The following STX1A variants were observed in gnomAD, a reference collection of about 807,000 sequenced individuals.
The protein encoded by STX1A is syntaxin 1A, also known as syntaxin-1A.
In STX1A, 4 loss-of-function variants were observed where a neutral mutation model predicts 37.8. The ratio of observed to expected loss-of-function variants is 0.11; its 90% CI spans 0.05 to 0.24. The LOEUF (loss-of-function observed/expected upper bound fraction) is 0.24. Ranked by LOEUF, STX1A falls within the 10% of genes least tolerant of loss-of-function variation. The pLI, the probability that STX1A is intolerant of heterozygous loss-of-function variation, is 1.00. For missense variants in STX1A, 251 were observed against 399.9 expected (o/e 0.63, Z 3.18); for synonymous variants, 135 against 147.4 (o/e 0.92, Z 0.61).
rs782404923 is a variant in STX1A, at chr7:73,703,801, A to G, written c.494T>C (p.Leu165Pro). 6.2e-7 allele frequency: 1 copy of G among 1,613,978 alleles called. No individual in the cohort carries two copies. Among genetic ancestry groups the G allele is most frequent in the Non-Finnish European group, 8.5e-7 (1 of 1,179,964 alleles). Residue 165 changes from leucine (L) to proline (P), a missense_variant, in exon 7 of 10, where the codon CTG (leucine) becomes CCG (proline). By Grantham distance (98) the Leu-to-Pro change is moderately conservative. Coordinates refer to ENST00000222812, the MANE Select transcript of STX1A (RefSeq NM_004603.4). ...ITGRTTTSEE[L>P]EDMLESGNPA... ...GTTCCCACTCTCCAGCATGTCCTCC[A>G]GCTCCTCACTGGTCGTGGTCCTGCC...
intron 1 of STX1A, among the ~76,000 whole-genome samples, chr7:73,710,569 G>T (rs1799064026): frequency 6.6e-6 from 1 of 152,136 alleles, no homozygotes; most frequent in South Asian, 2.1e-4. Context: ...GGGATTACAG[G>T]TGCATGCCAC....
Position 73,700,328 on chromosome 7 carries a change from G to GGGCAGCCCAGCCAGGT in STX1A, c.*63_*78dup, listed in dbSNP as rs1465133102. Reference sequence around the variant, plus strand: ...TCTGAGCCAGAGGCGGGGGTTGGGAGGGCAGCCCAGCCAGGTGGCAGCAGC... The same window carrying GGGCAGCCCAGCCAGGT: ...TCTGAGCCAGAGGCGGGGGTTGGGAGGGCAGCCCAGCCAGGTGGCAGCCCAGCCAGGTGGCAGCAGC... On this transcript the variant is annotated 3_prime_UTR_variant, in exon 10 of 10. Coordinates refer to ENST00000222812, the MANE Select transcript of STX1A (RefSeq NM_004603.4). The surrounding 1 kb of genome is among the most constrained non-coding windows in gnomAD (Gnocchi z 4.4). The GGGCAGCCCAGCCAGGT allele has an allele frequency of 6.9e-7, 1 of 1,447,502 alleles. No individual in the cohort carries two copies. Among genetic ancestry groups the GGGCAGCCCAGCCAGGT allele is most frequent in the African/African-American group, 1.4e-5 (1 of 71,608 alleles). 89.7% of individuals were successfully genotyped at this position (1,447,502 alleles called of 1,614,324 possible). A position where few individuals can be genotyped will look rare whatever the true frequency, so the allele number is the denominator to read the frequency against.
chr7:73,712,016 T>A (rs548717440), intron 1 of STX1A, among the ~76,000 whole-genome samples: 1 of 151,782 alleles, frequency 6.6e-6, no homozygotes, highest in Non-Finnish European at 1.5e-5. Flanking sequence ...GATGCCCGCA[T>A]CCTCCTCTGG....
chr7:73,700,113 G>A lies in STX1A; in HGVS notation c.*294C>T, dbSNP rs1217675164. On this transcript the variant is annotated 3_prime_UTR_variant, in exon 10 of 10. Coordinates refer to ENST00000222812, the MANE Select transcript of STX1A (RefSeq NM_004603.4). This position sits in a 1 kb window ranked among gnomAD's most constrained non-coding sequence, Gnocchi z 4.4. Reference sequence around the variant, plus strand: ...CGAGTTACTGAAGGCAAGGAAGGGTGGCCTGTGTCACCCTGGCGGCCCTGC... The same window carrying A: ...CGAGTTACTGAAGGCAAGGAAGGGTAGCCTGTGTCACCCTGGCGGCCCTGC... 3 of 495,476 alleles carry A rather than the reference G, an allele frequency of 6.1e-6. No individual in the cohort carries two copies. Among genetic ancestry groups the A allele is most frequent in the Non-Finnish European group, 1.1e-5 (3 of 273,334 alleles). The allele number at this position is 495,476 out of a possible 1,614,324, so 30.7% of individuals were successfully genotyped here. A position where few individuals can be genotyped will look rare whatever the true frequency, so the allele number is the denominator to read the frequency against.
rs567228051 is a variant in STX1A at position 73,704,088 on chromosome 7, A to T, written c.466+60T>A. On this transcript the variant is annotated intron_variant, in intron 6 of 9. Coordinates refer to ENST00000222812, the MANE Select transcript of STX1A (RefSeq NM_004603.4). ...AGCCTTGAGCCACGCACTCAGCAGC[A>T]GACTCGGGCCCCGCCCCTCCAGGCT... is the stretch of plus-strand genomic sequence containing the variant. The T allele has an allele frequency of 8.8e-4, 1,323 of 1,510,076 alleles. 24 individuals are homozygous for T. The South Asian group carries it at 0.015, about 17-fold the overall frequency. The allele number at this position is 1,510,076 out of a possible 1,614,324, so 93.5% of individuals were successfully genotyped here.
At position 73,716,918 on chromosome 7, in the gene STX1A, G is replaced by A. The variant is rs567419160; in HGVS notation, c.30+2684C>T. The stretch of plus-strand genomic sequence containing the variant: ...GCTGTGTGACCCTGGCCCTGTCTTC[G>A]GTCTCTCTTTGTTACCTGTAACCTG... On this transcript the variant is annotated intron_variant, in intron 1 of 9. Transcript: ENST00000222812. Among the ~76,000 whole-genome samples, 9 of 152,152 alleles carry A rather than the reference G, an allele frequency of 5.9e-5. No homozygotes were observed. In the East Asian group the frequency reaches 7.7e-4, roughly 13 times the overall value.
At chr7:73,704,044 G>C (rs1414042805) in intron 6 of STX1A, 104 bp downstream of exon 6, 2 of 1,213,716 alleles carry the variant, frequency 1.6e-6, no homozygotes, top group Non-Finnish European at 2.2e-6. Flanking sequence ...CACCCGCCTC[G>C]GGCCCCTAAC....
chr7:73,702,658 G>T lies in STX1A; in HGVS notation c.678+187C>A. ...CTGGGGTCCTTGAAGCTCAAGCAGAGCCATGCAGAGGACAGGGACCTTCGG... is the reference window on the plus strand; with the variant it reads ...CTGGGGTCCTTGAAGCTCAAGCAGATCCATGCAGAGGACAGGGACCTTCGG... On this transcript the variant is annotated intron_variant, in intron 8 of 9. Transcript: ENST00000222812. This position sits in a 1 kb window ranked among gnomAD's most constrained non-coding sequence, Gnocchi z 4.7. The T allele has an allele frequency of 6.9e-7, 1 of 1,455,356 alleles. No individual in the cohort carries two copies. The highest frequency in any genetic ancestry group is 2.5e-5 in the East Asian group (1 of 40,120). The allele number at this position is 1,455,356 out of a possible 1,614,324, so 90.2% of individuals were successfully genotyped here.
chr7:73,718,050 G>A (rs1799352092), intron 1 of STX1A, among the ~76,000 whole-genome samples: 2 of 152,046 alleles, frequency 1.3e-5, no homozygotes, highest in African/African-American at 4.8e-5. Context: ...ACACCCTCAG[G>A]TAACCTACCA....
At chr7:73,708,566 C>T (rs1422998527) in intron 3 of STX1A, 23 bp downstream of exon 3, 27 of 1,605,310 alleles carry the variant, frequency 1.7e-5, no homozygotes, top group Non-Finnish European at 2.0e-5. Context: ...GCCTGAAACC[C>T]GTCCCCCGCC....
chr7:73,711,685 C>T (rs1457308263), intron 1 of STX1A, among the ~76,000 whole-genome samples: 1 of 152,104 alleles, frequency 6.6e-6, no homozygotes, highest in Non-Finnish European at 1.5e-5. Flanking sequence ...GGGAAGTGGC[C>T]CCAGGAGCTC....
At chr7:73,712,437 TC>T (rs1303627110) in intron 1 of STX1A, among the ~76,000 whole-genome samples, 1 of 151,278 alleles carries the variant, frequency 6.6e-6, no homozygotes, top group Admixed American at 6.6e-5. Flanking sequence ...ATTCCCTTCT[TC>T]CTCGATGCCA....
chr7:73,711,692 G>A (rs1799109537), intron 1 of STX1A, among the ~76,000 whole-genome samples: 1 of 152,152 alleles, frequency 6.6e-6, no homozygotes, highest in South Asian at 2.1e-4. Context: ...GGCCCCAGGA[G>A]CTCCTGCCAT....
rs1798559851 is a variant in STX1A at position 73,699,285 on chromosome 7, G to C, written c.*1122C>G. On this transcript the variant is annotated 3_prime_UTR_variant, in exon 10 of 10. Coordinates refer to ENST00000222812, the MANE Select transcript of STX1A (RefSeq NM_004603.4). ...GGTTGTACCAAGACCTTTGGTGAAG[G>C]GGTTGGGGGGAATCGCTGTTCAAGA... 2 of 152,740 alleles carry C rather than the reference G, an allele frequency of 1.3e-5. No homozygotes were observed. The highest frequency in any genetic ancestry group is 1.5e-5 in the Non-Finnish European group (1 of 68,102). The allele number at this position is 152,740 out of a possible 1,614,324, so 9.5% of individuals were successfully genotyped here.
At position 73,700,298 on chromosome 7, in the gene STX1A, G is replaced by A. The variant is rs1798601117; in HGVS notation, c.*109C>T. 2.9e-6 allele frequency: 3 copies of A among 1,034,460 alleles called. No individual in the cohort carries two copies. Among genetic ancestry groups the A allele is most frequent in the South Asian group, 1.4e-5 (1 of 71,606 alleles). 64.1% of individuals were successfully genotyped at this position (1,034,460 alleles called of 1,614,324 possible). ...AGGGAGCATGGGGGCCGGGAGGGAG[G>A]GTGCTCTGAGCCAGAGGCGGGGGTT... On this transcript the variant is annotated 3_prime_UTR_variant, in exon 10 of 10. Transcript: ENST00000222812. The surrounding 1 kb of genome is among the most constrained non-coding windows in gnomAD (Gnocchi z 4.4).
Position 73,719,667 on chromosome 7 carries a change from T to A in STX1A, c.-36A>T. On this transcript the variant is annotated 5_prime_UTR_variant, in exon 1 of 10. Transcript: ENST00000222812. ...GTGGCAGCGGCGCCGGCTGCAGCCG[T>A]GTGAGCCCCGCATGCGCGACGGCCG... 1 of 1,166,842 alleles carries A rather than the reference T, an allele frequency of 8.6e-7. No individual in the cohort carries two copies. The highest frequency in any genetic ancestry group is 1.1e-6 in the Non-Finnish European group (1 of 943,878). 72.3% of individuals were successfully genotyped at this position (1,166,842 alleles called of 1,614,324 possible).
At chr7:73,701,939 C>T (rs548697993) in intron 8 of STX1A, among the ~76,000 whole-genome samples, 3 of 152,292 alleles carry the variant, frequency 2.0e-5, no homozygotes, top group African/African-American at 7.2e-5. Flanking sequence ...TAAAACAAAA[C>T]AAACAACCCA....
chr7:73,704,610 TG>T (rs1161791181), intron 4 of STX1A, 187 bp from the exon 5 acceptor site: 4 of 695,656 alleles, frequency 5.7e-6, no homozygotes, highest in African/African-American at 5.3e-5. Context: ...TGACGCTGTG[TG>T]GTGTGTGCAT....
At position 73,700,238 on chromosome 7, in the gene STX1A, G is replaced by C; in HGVS notation, c.*169C>G. The C allele has an allele frequency of 1.5e-6, 1 of 657,360 alleles. No individual in the cohort carries two copies. The highest frequency in any genetic ancestry group is 2.7e-6 in the Non-Finnish European group (1 of 371,772). The allele number at this position is 657,360 out of a possible 1,614,324, so 40.7% of individuals were successfully genotyped here. A position where few individuals can be genotyped will look rare whatever the true frequency, so the allele number is the denominator to read the frequency against. ...GCACACTCACAGAGATCATGCACAC[G>C]ACACGGGGCGGGGACGGAGGGCCCA... On this transcript the variant is annotated 3_prime_UTR_variant, in exon 10 of 10. Transcript: ENST00000222812. The surrounding 1 kb of genome is among the most constrained non-coding windows in gnomAD (Gnocchi z 4.4).
Sources: allele counts gnomAD v4.1 joint callset (sites outside exome capture counted in the v4.1 genomes callset), GRCh38; gene constraint gnomAD v4.1.1; non-coding constraint Gnocchi (gnomAD v3.1); transcripts MANE v1.5; gene names NCBI Gene and HGNC (gene_info 2026-07-23, HGNC 2026-07-21).